The following WDR89 variants were observed in gnomAD, a reference collection of about 807,000 sequenced individuals.
WDR89 encodes the protein WD repeat domain 89, also known as WD repeat-containing protein 89.
A neutral mutation model predicts 29.1 loss-of-function variants in WDR89; 17 were observed. The observed-to-expected ratio is 0.58, with a 90% CI of 0.40 to 0.88. The LOEUF (loss-of-function observed/expected upper bound fraction) is 0.88. Ranked by LOEUF, WDR89 falls within the 40% of genes least tolerant of loss-of-function variation. The pLI is 0.00. For synonymous variants in WDR89, 138 were observed against 157.8 expected (o/e 0.87, Z 0.94); for missense variants, 396 against 456.3 (o/e 0.87, Z 1.20).
intron 2 of WDR89, among the ~76,000 whole-genome samples, chr14:63,603,471 T>C (rs1895176376): frequency 6.6e-6 from 1 of 152,356 alleles, no homozygotes; most frequent in East Asian, 1.9e-4. Context: ...TAATTGTCCT[T>C]GCCTAAATCA....
At chr14:63,605,548 C>T (rs190522532) in intron 2 of WDR89, among the ~76,000 whole-genome samples, 2 of 152,166 alleles carry the variant, frequency 1.3e-5, no homozygotes, top group East Asian at 1.9e-4. Context: ...CGACCTCTGC[C>T]TCCCGGGTTC....
In WDR89 at chr14:63,599,020, G is replaced by C; in HGVS notation, c.923C>G (p.Ser308Ter). ...AAGGCTAGTCACATGGGTCAGTCCTGACATGCTGCAGTTCATCAAATGAAT... is the reference window on the plus strand; with the variant it reads ...AAGGCTAGTCACATGGGTCAGTCCTCACATGCTGCAGTTCATCAAATGAAT... ...GRIHLMNCSM[S>*]GLTHVTSLQG... Residue 308 changes from serine (S) to a stop codon, truncating the protein, a stop_gained, in exon 3 of 3, where the codon TCA becomes TGA. Transcript: ENST00000620954. LOFTEE classifies it high-confidence loss of function. The C allele has an allele frequency of 1.2e-6, 2 of 1,614,224 alleles. No individual in the cohort carries two copies. Among genetic ancestry groups the C allele is most frequent in the Non-Finnish European group, 1.7e-6 (2 of 1,180,028 alleles).
At chr14:63,625,697 ACT>A (rs527521194) in intron 1 of WDR89, among the ~76,000 whole-genome samples, 28 of 152,274 alleles carry the variant, frequency 1.8e-4, no homozygotes, top group African/African-American at 6.7e-4. Context: ...GTAAAAGTTC[ACT>A]GAGCTCTACC....
chr14:63,632,999 ACTAACTATAT>A (rs1883506412), intron 1 of WDR89, among the ~76,000 whole-genome samples: 1 of 152,188 alleles, frequency 6.6e-6, no homozygotes, highest in African/African-American at 2.4e-5. Context: ...TCCTGGCTTT[ACTAACTATAT>A]GTTTCAGTTT....
intron 2 of WDR89, among the ~76,000 whole-genome samples, chr14:63,602,743 T>G (rs12882680): frequency 6.8e-6 from 1 of 146,332 alleles, no homozygotes; most frequent in South Asian, 2.1e-4. Flanking sequence ...TTGCACTCCA[T>G]CCTGGGCAAC....
chr14:63,627,142 A>ACTCT (rs1409114294), intron 1 of WDR89, among the ~76,000 whole-genome samples: 44 of 130,014 alleles, frequency 3.4e-4, no homozygotes, highest in Admixed American at 3.4e-3. Flanking sequence ...ACACACACAC[A>ACTCT]CACACACACT....
chr14:63,639,357 CAAAAAA>C (rs777712423), intron 1 of WDR89, among the ~76,000 whole-genome samples: 6 of 64,698 alleles, frequency 9.3e-5, no homozygotes, highest in African/African-American at 3.1e-4. Context: ...TCATCTCTAC[CAAAAAA>C]AAAAAAAAAA....
intron 1 of WDR89, among the ~76,000 whole-genome samples, chr14:63,631,827 C>G (rs906016716): frequency 6.6e-6 from 1 of 152,084 alleles, no homozygotes; most frequent in African/African-American, 2.4e-5. Context: ...GAAAGTAAAT[C>G]CAGGCCAGGT....
chr14:63,611,297 C>T (rs1881971098), intron 2 of WDR89, among the ~76,000 whole-genome samples: 1 of 136,118 alleles, frequency 7.3e-6, no homozygotes, highest in South Asian at 2.4e-4. Context: ...GATTGCGTCA[C>T]TGCACTCCAG....
chr14:63,609,092 C>T (rs1188622662), intron 2 of WDR89, among the ~76,000 whole-genome samples: 2 of 150,032 alleles, frequency 1.3e-5, no homozygotes, highest in Admixed American at 6.6e-5. Flanking sequence ...AGCCTGGCAA[C>T]AGAGCAAAAC....
In WDR89 at chr14:63,620,019, A is replaced by AG. The variant is rs528671932; in HGVS notation, c.-32+4908_-32+4909insC. Among the ~76,000 whole-genome samples the AG allele has an allele frequency of 1.1e-3, 163 of 151,690 alleles. 1 individual carries two copies. The highest frequency in any genetic ancestry group is 8.4e-4 in the Non-Finnish European group (57 of 67,890). ...GACTCCATCTCAAAAAAAAAAAAAA[A>AG]AAAAAGAAAAAGAAGAAATCAGTAT... is the stretch of plus-strand genomic sequence containing the variant. On this transcript the variant is annotated intron_variant, in intron 2 of 2. Transcript: ENST00000620954.
At chr14:63,630,108 C>T (rs550293342) in intron 1 of WDR89, among the ~76,000 whole-genome samples, 1,854 of 152,020 alleles carry the variant, frequency 0.012, 18 homozygotes, top group Non-Finnish European at 0.02. Context: ...CCACCATGCC[C>T]GGCTAATTTT....
chr14:63,640,447 G>GT (rs1390840220), intron 1 of WDR89, among the ~76,000 whole-genome samples: 1 of 151,892 alleles, frequency 6.6e-6, no homozygotes, highest in African/African-American at 2.4e-5. Context: ...TTTTACCTTG[G>GT]TAACAATCGA....
At chr14:63,632,627 C>T (rs1414421564) in intron 1 of WDR89, among the ~76,000 whole-genome samples, 1 of 149,042 alleles carries the variant, frequency 6.7e-6, no homozygotes, top group Non-Finnish European at 1.5e-5. Context: ...AGCAAGACTC[C>T]GTCTCAAACA....
intron 2 of WDR89, among the ~76,000 whole-genome samples, chr14:63,607,313 C>T (rs192752724): frequency 1.3e-5 from 2 of 152,196 alleles, no homozygotes; most frequent in East Asian, 3.9e-4. Context: ...CAGGTGCCCA[C>T]CACCATGCCC....
intron 2 of WDR89, among the ~76,000 whole-genome samples, chr14:63,609,345 T>A (rs1881803118): frequency 6.6e-6 from 1 of 152,230 alleles, no homozygotes; most frequent in Non-Finnish European, 1.5e-5. Flanking sequence ...TAGTTACTTT[T>A]ATATTAACTA....
intron 2 of WDR89, chr14:63,601,799 A>G: frequency 8.8e-7 from 1 of 1,129,992 alleles, no homozygotes; most frequent in South Asian, 1.2e-5. Context: ...ACGTTCTTGG[A>G]AAGTACGTAA....
rs1002922003 is a variant in WDR89, at chr14:63,624,992, G to A, written c.-96C>T. The stretch of plus-strand genomic sequence containing the variant: ...ACAACTTATGTCCGTACAAACACCT[G>A]TACACGTGTTCATCACTATTTTATT... On this transcript the variant is annotated 5_prime_UTR_variant, in exon 2 of 3. Transcript: ENST00000620954. The A allele has an allele frequency of 6.6e-6, 1 of 151,998 alleles. No homozygotes were observed. Among genetic ancestry groups the A allele is most frequent in the Non-Finnish European group, 1.5e-5 (1 of 68,006 alleles). The allele number at this position is 151,998 out of a possible 1,614,324, so 9.4% of individuals were successfully genotyped here.
chr14:63,634,870 CAAAA>C (rs56714759), intron 1 of WDR89, among the ~76,000 whole-genome samples: 1 of 95,078 alleles, frequency 1.1e-5, no homozygotes, highest in African/African-American at 3.4e-5. Context: ...AACTACATCT[CAAAA>C]AAAAAAAAAA....
Sources: gnomAD v4.1 joint callset for allele counts (sites outside exome capture counted in the v4.1 genomes callset) on GRCh38, gnomAD v4.1.1 for gene constraint, MANE v1.5 for transcripts, NCBI Gene and HGNC (gene_info 2026-07-23, HGNC 2026-07-21) for gene names.